NPIPB11: variants seen among roughly 807,000 people sequenced by gnomAD.
NPIPB11 encodes nuclear pore complex-interacting protein family member B11.
In NPIPB11, 17 loss-of-function variants were observed where a neutral mutation model predicts 32.8. The observed-to-expected ratio is 0.52, with a 90% CI of 0.35 to 0.78. NPIPB11 has a LOEUF of 0.78. Ranked by LOEUF, NPIPB11 falls within the 30% of genes least tolerant of loss-of-function variation. NPIPB11 has a pLI of 0.01. For missense variants in NPIPB11, 537 were observed against 1,000.4 expected (o/e 0.54, Z 6.25); for synonymous variants, 209 against 398.4 (o/e 0.52, Z 5.66).
intron 3 of NPIPB11, among the ~76,000 whole-genome samples, chr16:29,391,034 C>T (rs182100796): frequency 1.3e-4 from 19 of 151,168 alleles, no homozygotes; most frequent in African/African-American, 2.7e-4. Flanking sequence ...TTTGGGAGGC[C>T]GACGCGGGTG....
rs942962877 is a variant in NPIPB11 at position 29,397,260 on chromosome 16, G to T, written c.121-3184C>A. On this transcript the variant is annotated intron_variant, in intron 2 of 7. Coordinates refer to ENST00000524087, the Ensembl canonical transcript of NPIPB11. ...CACTTTGTTTGTTAGAGACAAGAGT[G>T]CAGCGGGGCCATCTCGGCTCACTGC... Among the ~76,000 whole-genome samples the T allele has an allele frequency of 7.2e-5, 11 of 151,794 alleles. 1 individual carries two copies. Among genetic ancestry groups the T allele is most frequent in the African/African-American group, 2.7e-4 (11 of 41,290 alleles).
chr16:29,397,101 G>A (rs1457337607), intron 2 of NPIPB11, among the ~76,000 whole-genome samples: 11 of 149,702 alleles, frequency 7.3e-5, no homozygotes, highest in Admixed American at 6.6e-4. Context: ...AACCCCGGAA[G>A]CGGAGGTTGC....
In NPIPB11 at chr16:29,383,248, C is replaced by A. The variant is rs552788072; in HGVS notation, c.1684G>T (p.Glu562Ter). Residue 562 changes from glutamate (E) to a stop codon, truncating the protein, a stop_gained, in exon 8 of 8, where the codon GAG becomes TAG. Coordinates refer to ENST00000524087, the Ensembl canonical transcript of NPIPB11. LOFTEE classifies it low-confidence loss of function (END_TRUNC). ...GGTGGAAGGGGAGTGAGCTGACGCTCGGAAGGTGTCTTGAGATTATCATCC... is the reference window on the plus strand; with the variant it reads ...GGTGGAAGGGGAGTGAGCTGACGCTAGGAAGGTGTCTTGAGATTATCATCC... 62 of 1,559,476 alleles carry A rather than the reference C, an allele frequency of 4.0e-5. No homozygotes were observed. The Admixed American group carries it at 6.1e-4, about 15-fold the overall frequency.
chr16:29,403,091 T>G (rs1300611599), intron 2 of NPIPB11, among the ~76,000 whole-genome samples: 1 of 147,260 alleles, frequency 6.8e-6, no homozygotes, highest in African/African-American at 2.5e-5. Context: ...TTTTTTTTTT[T>G]TTTTTTGACA....
rs774815481 is a variant in NPIPB11, at chr16:29,390,165, G to A, written c.350-29C>T. On this transcript the variant is annotated intron_variant, in intron 4 of 7. Coordinates refer to ENST00000524087, the Ensembl canonical transcript of NPIPB11. ...GGTGAGAGTGAGGAGAGGAGAAGGT[G>A]AGAAACCTGAGGGCAAGAAGCTGTT... is the stretch of plus-strand genomic sequence containing the variant. 2.3e-4 allele frequency: 289 copies of A among 1,241,394 alleles called. 1 individual carries two copies. Among genetic ancestry groups the A allele is most frequent in the Middle Eastern group, 2.2e-3 (8 of 3,652 alleles). 76.9% of individuals were successfully genotyped at this position (1,241,394 alleles called of 1,614,324 possible). A position where few individuals can be genotyped will look rare whatever the true frequency, so the allele number is the denominator to read the frequency against.
intron 3 of NPIPB11, 68 bp downstream of exon 3, chr16:29,393,880 A>G (rs1020668976): frequency 1.5e-6 from 2 of 1,322,736 alleles, no homozygotes; most frequent in African/African-American, 1.5e-5. Context: ...AGAAATGTGA[A>G]TTGTTTTATA....
chr16:29,395,039 C>A (rs1303095045), intron 2 of NPIPB11, among the ~76,000 whole-genome samples: 5 of 142,556 alleles, frequency 3.5e-5, no homozygotes, highest in African/African-American at 1.3e-4. Context: ...AGCCACTGTA[C>A]CTGGCCAAAA....
intron 2 of NPIPB11, chr16:29,397,637 C>G (rs1219880173): frequency 6.9e-6 from 10 of 1,449,336 alleles, no homozygotes; most frequent in Non-Finnish European, 8.5e-6. Context: ...TCCACCGCCC[C>G]CGCATGTCCT....
intron 2 of NPIPB11, among the ~76,000 whole-genome samples, chr16:29,394,688 T>C (rs548057272): frequency 6.6e-6 from 1 of 152,132 alleles, no homozygotes; most frequent in Admixed American, 6.5e-5. Flanking sequence ...TGCCTCAGCC[T>C]CCCAAAGTGC....
chr16:29,390,447 G>A, intron 3 of NPIPB11, 99 bp from the exon 4 acceptor site: 16 of 1,573,152 alleles, frequency 1.0e-5, no homozygotes, highest in Non-Finnish European at 1.3e-5. Context: ...ACGGGGTCAG[G>A]AGCAAGACCA....
At chr16:29,390,648 T>TCACACA (rs1198966072) in intron 3 of NPIPB11, among the ~76,000 whole-genome samples, 1 of 93,516 alleles carries the variant, frequency 1.1e-5, no homozygotes, top group Non-Finnish European at 2.5e-5. Context: ...TGAGACTCTG[T>TCACACA]CACATACACA....
upstream of NPIPB11, among the ~76,000 whole-genome samples, chr16:29,405,823 G>A (rs1381460200): frequency 2.0e-5 from 3 of 152,134 alleles, no homozygotes; most frequent in Non-Finnish European, 4.4e-5. Context: ...GTGTAATCAG[G>A]TGGCAAATGG....
At chr16:29,406,695 C>G (rs1409995786), upstream of NPIPB11, among the ~76,000 whole-genome samples, 8 of 150,000 alleles carry the variant, frequency 5.3e-5, no homozygotes, top group African/African-American at 2.0e-4. Flanking sequence ...GCCTGGGTGA[C>G]AGAGGTAGAA....
rs1297759854 is a variant in NPIPB11 at position 29,394,716 on chromosome 16, G to A, written c.121-640C>T. ...CAAAGTGCTGGGATTACAGGTGTGA[G>A]CCACCGTGCCCAGCCATTTTTTTGT... On this transcript the variant is annotated intron_variant, in intron 2 of 7. Coordinates refer to ENST00000524087, the Ensembl canonical transcript of NPIPB11. 2.6e-5 allele frequency among the ~76,000 whole-genome samples: 4 copies of A among 152,074 alleles called. No individual in the cohort carries two copies. In the East Asian group the frequency reaches 7.8e-4, roughly 30 times the overall value.
At chr16:29,402,004 C>T in intron 2 of NPIPB11, among the ~76,000 whole-genome samples, 1 of 151,486 alleles carries the variant, frequency 6.6e-6, no homozygotes. Flanking sequence ...GACTAGCCTG[C>T]CGTCAGAACA....
chr16:29,386,370 CCTG>C, intron 5 of NPIPB11, among the ~76,000 whole-genome samples: 1 of 83,536 alleles, frequency 1.2e-5, no homozygotes, highest in East Asian at 2.8e-4. Flanking sequence ...TTGCTTACTG[CCTG>C]CTGACTTCTG....
chr16:29,397,289 G>A (rs1014022267), intron 2 of NPIPB11, among the ~76,000 whole-genome samples: 5 of 151,664 alleles, frequency 3.3e-5, no homozygotes, highest in African/African-American at 9.7e-5. Context: ...TCACTGCAAC[G>A]TCCAGCTCCT....
chr16:29,394,419 A>T (rs1206138669), intron 2 of NPIPB11, among the ~76,000 whole-genome samples: 4 of 131,500 alleles, frequency 3.0e-5, no homozygotes, highest in African/African-American at 1.2e-4. Flanking sequence ...GATGATCTAA[A>T]AAAAAACCTC....
At chr16:29,400,133 C>A (rs1288570134) in intron 2 of NPIPB11, among the ~76,000 whole-genome samples, 1 of 150,910 alleles carries the variant, frequency 6.6e-6, no homozygotes, top group African/African-American at 2.4e-5. Context: ...AAAGGAGAGA[C>A]CAAGTAAGTG....
Sources: gnomAD v4.1 joint callset for allele counts (sites outside exome capture counted in the v4.1 genomes callset) on GRCh38, gnomAD v4.1.1 for gene constraint, MANE v1.5 for transcripts, NCBI Gene and HGNC (gene_info 2026-07-23, HGNC 2026-07-21) for gene names.